ARHGAP15: variants seen among roughly 807,000 people sequenced by gnomAD.
ARHGAP15 encodes the protein rho GTPase-activating protein 15.
In ARHGAP15, 51 loss-of-function variants were observed where a neutral mutation model predicts 63.7. The ratio of observed to expected loss-of-function variants is 0.80; its 90% CI spans 0.64 to 1.01. The LOEUF (loss-of-function observed/expected upper bound fraction) is 1.01, where lower values mean the gene tolerates loss of function less well. ARHGAP15 is among the 50% of genes least tolerant of loss of function. The pLI, the probability that ARHGAP15 is intolerant of heterozygous loss-of-function variation, is 0.00. For missense variants in ARHGAP15, 560 were observed against 564.6 expected (o/e 0.99, Z 0.08); for synonymous variants, 191 against 193.8 (o/e 0.99, Z 0.12).
chr2:143,703,396 T>A, intron 12 of ARHGAP15, 23 bp from the exon 13 acceptor site: 2 of 1,589,084 alleles, frequency 1.3e-6, no homozygotes. Context: ...TTCCCTAACC[T>A]TCCTTTTTAT....
intron 10 of ARHGAP15, among the ~76,000 whole-genome samples, chr2:143,549,214 A>T (rs1695458455): frequency 6.6e-6 from 1 of 152,170 alleles, no homozygotes; most frequent in African/African-American, 2.4e-5. Flanking sequence ...TATGAAAAAC[A>T]ATGTAGGCCT....
chr2:143,467,810 A>C lies in ARHGAP15; in HGVS notation c.704-19563A>C, dbSNP rs917936238. On this transcript the variant is annotated intron_variant, in intron 8 of 13. Transcript: ENST00000295095. ...GCTAATGCACATGGAGTTCAGAACCATAATGACGATATTGGGCACTTAAGT... is the reference window on the plus strand; with the variant it reads ...GCTAATGCACATGGAGTTCAGAACCCTAATGACGATATTGGGCACTTAAGT... Among the ~76,000 whole-genome samples the C allele has an allele frequency of 2.0e-5, 3 of 152,270 alleles. No homozygotes were observed. The East Asian group carries it at 5.8e-4, about 29-fold the overall frequency.
chr2:143,547,053 A>C (rs1021109848), intron 10 of ARHGAP15, among the ~76,000 whole-genome samples: 2 of 152,096 alleles, frequency 1.3e-5, no homozygotes, highest in African/African-American at 4.8e-5. Flanking sequence ...TTTCTAGAGA[A>C]ATTTCTCAAG....
At chr2:143,134,451 T>C (rs913098243) in intron 1 of ARHGAP15, among the ~76,000 whole-genome samples, 1 of 152,162 alleles carries the variant, frequency 6.6e-6, no homozygotes, top group South Asian at 2.1e-4. Flanking sequence ...TGGTTAAAAT[T>C]GATCTTCTTT....
intron 6 of ARHGAP15, among the ~76,000 whole-genome samples, chr2:143,323,914 A>AC (rs1684136928): frequency 6.6e-6 from 1 of 150,644 alleles, no homozygotes; most frequent in Non-Finnish European, 1.5e-5. Flanking sequence ...AAAAAAAAAA[A>AC]AAAAAAAAAC....
chr2:143,230,020 A>G (rs1693377430), intron 5 of ARHGAP15, among the ~76,000 whole-genome samples: 2 of 152,140 alleles, frequency 1.3e-5, no homozygotes, highest in Non-Finnish European at 2.9e-5. Context: ...ATTTTTGGAT[A>G]CAGTAAGGTT....
Position 143,695,947 on chromosome 2 carries a change from A to G in ARHGAP15, c.1139-7472A>G, listed in dbSNP as rs139959915. 2.0e-5 allele frequency among the ~76,000 whole-genome samples: 3 copies of G among 152,302 alleles called. No individual in the cohort carries two copies. In the East Asian group the frequency reaches 5.8e-4, roughly 29 times the overall value. On this transcript the variant is annotated intron_variant, in intron 12 of 13. Coordinates refer to ENST00000295095, the MANE Select transcript of ARHGAP15 (RefSeq NM_018460.4). ...CAATGTGAGATCATAGTGCATCATA[A>G]CATAGATAGATACAGCCACATGAGA...
At chr2:143,188,761 C>T (rs988368676) in intron 2 of ARHGAP15, among the ~76,000 whole-genome samples, 3 of 151,878 alleles carry the variant, frequency 2.0e-5, no homozygotes, top group Admixed American at 2.0e-4. Flanking sequence ...GCTGGGATTA[C>T]AGGTGTGTGC....
At chr2:143,320,283 C>T (rs1683946197) in intron 6 of ARHGAP15, among the ~76,000 whole-genome samples, 1 of 151,970 alleles carries the variant, frequency 6.6e-6, no homozygotes, top group Non-Finnish European at 1.5e-5. Context: ...GAGCTGGCTG[C>T]AGAGCTGATT....
At chr2:143,690,236 T>C (rs576553348) in intron 12 of ARHGAP15, among the ~76,000 whole-genome samples, 1 of 152,262 alleles carries the variant, frequency 6.6e-6, no homozygotes, top group East Asian at 1.9e-4. Flanking sequence ...GTCACTATGT[T>C]ACTCTCAGTC....
At chr2:143,756,024 C>G (rs548407368) in intron 13 of ARHGAP15, among the ~76,000 whole-genome samples, 2 of 151,810 alleles carry the variant, frequency 1.3e-5, no homozygotes, top group African/African-American at 4.8e-5. Context: ...CGCATACAAA[C>G]TGAATGATGA....
chr2:143,663,279 G>C (rs1423519072), intron 12 of ARHGAP15, among the ~76,000 whole-genome samples: 8 of 150,786 alleles, frequency 5.3e-5, no homozygotes, highest in East Asian at 1.9e-4. Context: ...TTAAAGAAAA[G>C]AATTTTCAAC....
At chr2:143,276,443 T>A (rs1272412240) in intron 6 of ARHGAP15, among the ~76,000 whole-genome samples, 1 of 152,244 alleles carries the variant, frequency 6.6e-6, no homozygotes, top group Non-Finnish European at 1.5e-5. Flanking sequence ...TTGCCTGTAG[T>A]GCCTGCATTG....
chr2:143,752,704 C>T (rs966342838), intron 13 of ARHGAP15, among the ~76,000 whole-genome samples: 2 of 152,144 alleles, frequency 1.3e-5, no homozygotes, highest in African/African-American at 4.8e-5. Flanking sequence ...AGGTGGGCAA[C>T]AGGATTGGGC....
intron 13 of ARHGAP15, among the ~76,000 whole-genome samples, chr2:143,717,175 G>A (rs1684844857): frequency 1.3e-5 from 2 of 152,138 alleles, no homozygotes; most frequent in South Asian, 4.1e-4. Flanking sequence ...GGAAAGCACT[G>A]AACCCAGATG....
intron 9 of ARHGAP15, among the ~76,000 whole-genome samples, chr2:143,493,495 G>T (rs559356260): frequency 6.6e-6 from 1 of 152,258 alleles, no homozygotes; most frequent in Admixed American, 6.5e-5. Flanking sequence ...CACGCTTTTA[G>T]TCTGATTCAT....
chr2:143,341,265 C>A (rs1213899608), intron 6 of ARHGAP15, among the ~76,000 whole-genome samples: 6 of 152,086 alleles, frequency 3.9e-5, no homozygotes, highest in African/African-American at 1.4e-4. Context: ...GCCCCTGAAC[C>A]ATAGCCTACT....
chr2:143,628,273 G>A (rs1008754078), intron 12 of ARHGAP15, among the ~76,000 whole-genome samples: 5 of 152,152 alleles, frequency 3.3e-5, no homozygotes, highest in Admixed American at 2.0e-4. Context: ...CGTGAATAGT[G>A]TTGCGATGAA....
chr2:143,243,821 T>C (rs1271183127), intron 5 of ARHGAP15, among the ~76,000 whole-genome samples: 1 of 152,222 alleles, frequency 6.6e-6, no homozygotes. Flanking sequence ...TAGGTCTTTC[T>C]GCTGTAGCTT....
Sources: gnomAD v4.1 joint callset for allele counts (sites outside exome capture counted in the v4.1 genomes callset) on GRCh38, gnomAD v4.1.1 for gene constraint, MANE v1.5 for transcripts, NCBI Gene and HGNC (gene_info 2026-07-23, HGNC 2026-07-21) for gene names.